The following INSYN2A variants were observed in gnomAD, a reference collection of about 807,000 sequenced individuals.
INSYN2A encodes inhibitory synaptic factor 2A.
Under a neutral mutation model 39.4 loss-of-function variants are expected in INSYN2A, and 17 were observed. The observed-to-expected ratio is 0.43, with a 90% CI of 0.30 to 0.65. INSYN2A has a LOEUF of 0.65. Among genes scored for constraint, INSYN2A ranks in the 30% least tolerant of loss-of-function variants. The probability of loss-of-function intolerance (pLI) is 0.14; values close to 1 mark genes in which losing one functional copy is unlikely to be tolerated. For missense variants in INSYN2A, 595 were observed against 631.2 expected, an observed-to-expected ratio of 0.94 and a Z score of 0.61; for synonymous variants, 255 against 265.7, an observed-to-expected ratio of 0.96 and a Z score of 0.39.
At chr10:127,162,961 C>T (rs879474223) in intron 4 of INSYN2A, among the ~76,000 whole-genome samples, 2 of 152,182 alleles carry the variant, frequency 1.3e-5, no homozygotes, top group Non-Finnish European at 1.5e-5. Flanking sequence ...GAACCCTGAA[C>T]AGTAGCACTC....
At chr10:127,153,818 A>G (rs1475024175) in intron 5 of INSYN2A, 34 bp downstream of exon 5, 2 of 1,510,224 alleles carry the variant, frequency 1.3e-6, no homozygotes, top group Admixed American at 1.7e-5. Flanking sequence ...GTCACTCATA[A>G]TAAGAAAGTG....
intron 1 of INSYN2A, among the ~76,000 whole-genome samples, chr10:127,195,425 C>A (rs1178847461): frequency 6.6e-6 from 1 of 152,066 alleles, no homozygotes; most frequent in East Asian, 1.9e-4. Context: ...CCAACCCCAG[C>A]GAGTGGAGGA....
chr10:127,159,560 TC>T (rs1236803162), intron 4 of INSYN2A, among the ~76,000 whole-genome samples: 1 of 152,180 alleles, frequency 6.6e-6, no homozygotes, highest in Admixed American at 6.5e-5. Context: ...TAGTGACAAT[TC>T]GGGGCATGCA....
chr10:127,153,815 A>G, intron 5 of INSYN2A, 37 bp downstream of exon 5: 9 of 1,487,260 alleles, frequency 6.1e-6, no homozygotes, highest in Non-Finnish European at 8.5e-6. Flanking sequence ...TTTGTCACTC[A>G]TAATAAGAAA....
intron 2 of INSYN2A, among the ~76,000 whole-genome samples, chr10:127,191,448 C>T (rs924487377): frequency 6.6e-6 from 1 of 152,154 alleles, no homozygotes; most frequent in Admixed American, 6.5e-5. Context: ...TTAAAAATCC[C>T]AGGTTTTATA....
chr10:127,156,654 C>T (rs1226413848), intron 4 of INSYN2A, among the ~76,000 whole-genome samples: 1 of 150,312 alleles, frequency 6.7e-6, no homozygotes, highest in Non-Finnish European at 1.5e-5. Flanking sequence ...CCACAACCTC[C>T]GCCTCCTGGG....
chr10:127,155,046 T>C (rs2052903665), intron 4 of INSYN2A, among the ~76,000 whole-genome samples: 1 of 152,328 alleles, frequency 6.6e-6, no homozygotes, highest in Admixed American at 6.5e-5. Flanking sequence ...ATGTTAAATT[T>C]GTGGCAGGAG....
intron 4 of INSYN2A, among the ~76,000 whole-genome samples, chr10:127,165,699 A>G (rs1475192383): frequency 6.6e-6 from 1 of 152,154 alleles, no homozygotes; most frequent in Non-Finnish European, 1.5e-5. Context: ...AGGACCACTG[A>G]TATTACAAAT....
chr10:127,176,543 A>C lies in INSYN2A; in HGVS notation c.-5-143T>G, dbSNP rs1180267393. On this transcript the variant is annotated intron_variant, in intron 3 of 5. Transcript: ENST00000522781. The surrounding 1 kb of genome is among the most constrained non-coding windows in gnomAD (Gnocchi z 4.4). ...GTGAGGTCGGCCTTTATGTTAAGGA[A>C]AATCACACGGGCTGAGAGTCGCTGG... is the stretch of plus-strand genomic sequence containing the variant. 1.5e-6 allele frequency: 1 copy of C among 663,220 alleles called. No individual in the cohort carries two copies. The highest frequency in any genetic ancestry group is 1.8e-5 in the African/African-American group (1 of 55,298). The allele number at this position is 663,220 out of a possible 1,614,324, so 41.1% of individuals were successfully genotyped here.
At chr10:127,181,741 C>T (rs757281077) in intron 2 of INSYN2A, among the ~76,000 whole-genome samples, 8 of 152,284 alleles carry the variant, frequency 5.3e-5, no homozygotes, top group Non-Finnish European at 1.2e-4. Flanking sequence ...TCTTCACCAC[C>T]GGCTTCCACC....
chr10:127,185,795 T>C (rs575760248), intron 2 of INSYN2A, among the ~76,000 whole-genome samples: 2 of 152,244 alleles, frequency 1.3e-5, no homozygotes, highest in South Asian at 4.2e-4. Context: ...ATGTTTCCGG[T>C]GCTGATGGGA....
In INSYN2A at chr10:127,138,867, G is replaced by A. The variant is rs191637270; in HGVS notation, c.1257-847C>T. ...CTGTCAACTTGTCTAGAGCCCTCTC[G>A]TCTCCATGTCTTTGAAAAGGACCAC... On this transcript the variant is annotated intron_variant, in intron 5 of 5. Transcript: ENST00000522781. Among the ~76,000 whole-genome samples the A allele has an allele frequency of 4.7e-3, 719 of 152,262 alleles. 3 individuals are homozygous for A. Among genetic ancestry groups the A allele is most frequent in the Non-Finnish European group, 8.5e-3 (579 of 68,010 alleles).
At chr10:127,141,487 G>C (rs2133291555) in intron 5 of INSYN2A, among the ~76,000 whole-genome samples, 1 of 152,296 alleles carries the variant, frequency 6.6e-6, no homozygotes, top group East Asian at 1.9e-4. Context: ...CGGATCACTT[G>C]AGATCAGGAG....
chr10:127,155,761 C>T (rs1346314382), intron 4 of INSYN2A, among the ~76,000 whole-genome samples: 1 of 152,216 alleles, frequency 6.6e-6, no homozygotes, highest in Non-Finnish European at 1.5e-5. Flanking sequence ...TATAGACTTA[C>T]AGCCTTTCTC....
At chr10:127,146,109 A>G (rs1193476797) in intron 5 of INSYN2A, 2 of 504,390 alleles carry the variant, frequency 4.0e-6, no homozygotes, top group Admixed American at 2.1e-5. Context: ...ACTCATCTAA[A>G]CATGAATTAT....
rs2054976994 is a variant in INSYN2A at position 127,175,262 on chromosome 10, C to T, written c.1134G>A (p.Val378=). ...CCAACTCCTGAATGACCCCCAAGAG[C>T]ACTTTGATGGTTTCTTGGCTTGAAC... The part of the protein sequence containing the change: ...LISSSQETIK[V]LLGVIQELEK... The change falls in exon 4 of 6, where the codon GTG becomes GTA. Residue 378 remains valine, a synonymous_variant. Transcript: ENST00000522781. This position sits in a 1 kb window ranked among gnomAD's most constrained non-coding sequence, Gnocchi z 6.3. The T allele has an allele frequency of 1.2e-6, 2 of 1,614,152 alleles. No homozygotes were observed. The highest frequency in any genetic ancestry group is 2.2e-5 in the East Asian group (1 of 44,880).
At chr10:127,189,030 G>A (rs2056527812) in intron 2 of INSYN2A, among the ~76,000 whole-genome samples, 3 of 152,122 alleles carry the variant, frequency 2.0e-5, no homozygotes. Flanking sequence ...CCTAGGAAGC[G>A]CTCAGTACAC....
intron 4 of INSYN2A, 117 bp from the exon 5 acceptor site, chr10:127,154,040 T>C (rs986742178): frequency 2.8e-6 from 2 of 722,148 alleles, no homozygotes; most frequent in Admixed American, 2.1e-5. Context: ...GTCATGGAAA[T>C]TGATTAATGC....
intron 2 of INSYN2A, among the ~76,000 whole-genome samples, chr10:127,178,593 A>G (rs1167420663): frequency 1.3e-5 from 2 of 152,164 alleles, no homozygotes; most frequent in Non-Finnish European, 2.9e-5. Flanking sequence ...CGATTATCCT[A>G]TAGTGTGTCC....
Sources: gnomAD v4.1 joint callset for allele counts (sites outside exome capture counted in the v4.1 genomes callset) on GRCh38, gnomAD v4.1.1 for gene constraint, Gnocchi (gnomAD v3.1) non-coding constraint, MANE v1.5 for transcripts, NCBI Gene and HGNC (gene_info 2026-07-23, HGNC 2026-07-21) for gene names.